ME1: variants seen among roughly 807,000 people sequenced by gnomAD.
ME1 encodes the protein malic enzyme 1.
A neutral mutation model predicts 66.4 loss-of-function variants in ME1; 74 were observed. That is an observed-to-expected ratio of 1.11 (90% CI 0.92 to 1.35). The LOEUF (loss-of-function observed/expected upper bound fraction) is 1.35. Ranked by LOEUF, ME1 falls within the 40% of genes most tolerant of loss-of-function variation. The probability of loss-of-function intolerance (pLI) is 0.00; values close to 1 mark genes in which losing one functional copy is unlikely to be tolerated. For synonymous variants in ME1, 251 were observed against 235.6 expected, an observed-to-expected ratio of 1.07 and a Z score of -0.60; for missense variants, 750 against 694.1, an observed-to-expected ratio of 1.08 and a Z score of -0.90.
chr6:83,354,825 T>C (rs1263687821), intron 3 of ME1, among the ~76,000 whole-genome samples: 1 of 152,204 alleles, frequency 6.6e-6, no homozygotes, highest in African/African-American at 2.4e-5. Flanking sequence ...GCAAGTAGTA[T>C]GTATCCAACA....
intron 6 of ME1, among the ~76,000 whole-genome samples, chr6:83,296,700 C>A (rs181731739): frequency 1.3e-5 from 2 of 152,116 alleles, no homozygotes; most frequent in Admixed American, 6.5e-5. Context: ...ATAAAGGCAT[C>A]CAAATAGGAA....
At chr6:83,414,033 C>T (rs1222180267) in intron 1 of ME1, among the ~76,000 whole-genome samples, 2 of 150,614 alleles carry the variant, frequency 1.3e-5, no homozygotes, top group Non-Finnish European at 2.9e-5. Flanking sequence ...ATCATTTGAT[C>T]CTGGGAGGTT....
intron 1 of ME1, among the ~76,000 whole-genome samples, chr6:83,419,052 T>C (rs1351458481): frequency 6.6e-6 from 1 of 152,162 alleles, no homozygotes; most frequent in Non-Finnish European, 1.5e-5. Context: ...TGATAAAAGA[T>C]GAGCACTAGA....
intron 1 of ME1, among the ~76,000 whole-genome samples, chr6:83,429,155 C>T (rs891737951): frequency 1.8e-4 from 28 of 152,068 alleles, no homozygotes; most frequent in African/African-American, 6.3e-4. Context: ...CTCAGCTACT[C>T]GGGAGGCTGA....
intron 1 of ME1, among the ~76,000 whole-genome samples, chr6:83,421,727 G>A (rs1028614446): frequency 2.0e-4 from 31 of 152,120 alleles, no homozygotes; most frequent in African/African-American, 7.5e-4. Flanking sequence ...AATCAGAAAG[G>A]GGGTGCTTAA....
At chr6:83,331,295 A>T (rs1768403287) in intron 5 of ME1, among the ~76,000 whole-genome samples, 1 of 152,132 alleles carries the variant, frequency 6.6e-6, no homozygotes, top group South Asian at 2.1e-4. Flanking sequence ...GGTCCTTTTA[A>T]GAAGAGGAAA....
intron 3 of ME1, among the ~76,000 whole-genome samples, chr6:83,387,303 A>G (rs1274856071): frequency 4.6e-5 from 7 of 152,216 alleles, no homozygotes; most frequent in Non-Finnish European, 7.3e-5. Flanking sequence ...TAGTATAATT[A>G]TAATCTGTAC....
At chr6:83,278,540 C>A (rs1390988614) in intron 6 of ME1, among the ~76,000 whole-genome samples, 2 of 152,108 alleles carry the variant, frequency 1.3e-5, no homozygotes, top group African/African-American at 4.8e-5. Context: ...CTCCTGGGCT[C>A]AAGTGATCCT....
chr6:83,346,470 A>G (rs1768689296), intron 4 of ME1, 136 bp from the exon 5 acceptor site: 1 of 508,174 alleles, frequency 2.0e-6, no homozygotes, highest in South Asian at 4.9e-5. Context: ...TATGAAAAAG[A>G]TTTTATAAAT....
chr6:83,416,706 T>C (rs1043961539), intron 1 of ME1, among the ~76,000 whole-genome samples: 8 of 151,900 alleles, frequency 5.3e-5, no homozygotes, highest in Admixed American at 1.3e-4. Flanking sequence ...CTGGGCAACA[T>C]AGTGAGATCC....
chr6:83,264,828 A>G (rs572842180), intron 6 of ME1, among the ~76,000 whole-genome samples: 1 of 152,308 alleles, frequency 6.6e-6, no homozygotes, highest in South Asian at 2.1e-4. Flanking sequence ...CTTCTGGTGG[A>G]GATGCTATGA....
Position 83,346,211 on chromosome 6 carries a change from A to G in ME1, c.562T>C (p.Cys188Arg). 3 of 1,610,314 alleles carry G rather than the reference A, an allele frequency of 1.9e-6. No homozygotes were observed. Among genetic ancestry groups the G allele is most frequent in the African/African-American group, 2.7e-5 (2 of 74,916 alleles). ...CCCACATCCAGAATGACAGGCAGACATTCTTGAGGATTCATCCCTCCGCAA... is the reference window on the plus strand; with the variant it reads ...CCCACATCCAGAATGACAGGCAGACGTTCTTGAGGATTCATCCCTCCGCAA... Reference protein sequence around the residue: ...TACGGMNPQECLPVILDVGTE... With the variant: ...TACGGMNPQERLPVILDVGTE... The change falls in exon 5 of 14, where the codon TGT (cysteine) becomes CGT (arginine). Residue 188 changes from cysteine (C) to arginine (R), a missense_variant. By Grantham distance (180) the Cys-to-Arg change is radical. Transcript: ENST00000369705.
At chr6:83,376,363 C>T (rs1199534244) in intron 3 of ME1, among the ~76,000 whole-genome samples, 5 of 151,766 alleles carry the variant, frequency 3.3e-5, no homozygotes, top group African/African-American at 7.3e-5. Flanking sequence ...GGTGTGGTGG[C>T]GCATGCCTGT....
intron 5 of ME1, among the ~76,000 whole-genome samples, chr6:83,333,092 T>C (rs1262134644): frequency 1.3e-5 from 2 of 152,142 alleles, no homozygotes; most frequent in Non-Finnish European, 2.9e-5. Context: ...TCCATTTCTA[T>C]TTTCATTACT....
At chr6:83,246,019 T>C (rs554740480) in intron 7 of ME1, among the ~76,000 whole-genome samples, 1 of 152,296 alleles carries the variant, frequency 6.6e-6, no homozygotes, top group South Asian at 2.1e-4. Flanking sequence ...ATTTTCTTTC[T>C]TTCTTTGTAT....
intron 3 of ME1, among the ~76,000 whole-genome samples, chr6:83,370,672 C>T (rs1269202077): frequency 1.3e-5 from 2 of 151,956 alleles, no homozygotes; most frequent in South Asian, 2.1e-4. Flanking sequence ...TTACAAATAA[C>T]AGCAATGAAG....
intron 6 of ME1, among the ~76,000 whole-genome samples, chr6:83,298,936 T>A (rs1261092616): frequency 1.8e-5 from 1 of 54,698 alleles, no homozygotes; most frequent in Non-Finnish European, 3.9e-5. Context: ...TGTCTGTTTT[T>A]TTTTTTTTTT....
At chr6:83,349,967 A>ATTTAAGT (rs1768766232) in intron 4 of ME1, among the ~76,000 whole-genome samples, 4 of 152,170 alleles carry the variant, frequency 2.6e-5, no homozygotes, top group Non-Finnish European at 5.9e-5. Context: ...CAAAGGTTGG[A>ATTTAAGT]TTTAAGTTTC....
chr6:83,393,429 C>G, intron 3 of ME1: 2 of 618,718 alleles, frequency 3.2e-6, no homozygotes. Flanking sequence ...ACCACCAGCC[C>G]CAGCGACAGC....
Sources: allele counts gnomAD v4.1 joint callset (sites outside exome capture counted in the v4.1 genomes callset), GRCh38; gene constraint gnomAD v4.1.1; transcripts MANE v1.5; gene names NCBI Gene and HGNC (gene_info 2026-07-23, HGNC 2026-07-21).